Variants in ZNF705G observed in about 807,000 individuals in gnomAD.
The protein encoded by ZNF705G is zinc finger protein 705G, also known as putative zinc finger protein 705G.
ZNF705G carries 23 observed loss-of-function variants against 19.6 expected under a neutral mutation model. The ratio of observed to expected loss-of-function variants is 1.17; its 90% CI spans 0.84 to 1.66. ZNF705G has a LOEUF of 1.66. Among genes scored for constraint, ZNF705G ranks in the 40% most tolerant of loss-of-function variants. The pLI, the probability that ZNF705G is intolerant of heterozygous loss-of-function variation, is 0.00. For synonymous variants in ZNF705G, 146 were observed against 117.7 expected (o/e 1.24, Z -1.56); for missense variants, 457 against 354.4 (o/e 1.29, Z -2.32).
rs532357296 is a variant in ZNF705G at position 7,375,295 on chromosome 8, T to C, written c.-72+6157A>G. On this transcript the variant is annotated intron_variant, in intron 2 of 6. Transcript: ENST00000400156. ...ATATGTGGTATTTGTCTTCCTGTTC[T>C]TGAGCTAATTTGCTTAGAATAAAGT... Among the ~76,000 whole-genome samples, 107 of 93,570 alleles carry C rather than the reference T, an allele frequency of 1.1e-3. 25 individuals carry two copies. The highest frequency in any genetic ancestry group is 2.0e-3 in the Non-Finnish European group (98 of 47,904). The allele number at this position is 93,570 out of a possible 152,430, so 61.4% of individuals were successfully genotyped here.
intron 4 of ZNF705G, 79 bp from the exon 5 acceptor site, chr8:7,360,411 C>A (rs1292788816): frequency 6.3e-7 from 1 of 1,576,354 alleles, no homozygotes; most frequent in Non-Finnish European, 8.5e-7. Context: ...TGCAGGCTAT[C>A]AAGGAAGAAT....
chr8:7,379,870 A>G (rs1287948781), intron 2 of ZNF705G, among the ~76,000 whole-genome samples: 2 of 145,954 alleles, frequency 1.4e-5, no homozygotes, highest in Non-Finnish European at 2.9e-5. Context: ...CACAATGCCA[A>G]TTTGAGAGCC....
Position 7,358,435 on chromosome 8 carries a change from C to A in ZNF705G, c.444G>T (p.Gln148His). ...HSGKKPYVSK[Q>H]CGKSLRNLLS... ...AAAGATTACGAAGGGATTTTCCACA[C>A]TGTTTGCTGACATAGGGTTTCTTTC... is the stretch of plus-strand genomic sequence containing the variant. The change falls in exon 7 of 7, where the codon CAG becomes CAT. Residue 148 changes from glutamine (Q) to histidine (H), a missense_variant. Physicochemically the swap from Gln to His is conservative, Grantham distance 24. Transcript: ENST00000400156. 2 of 1,607,714 alleles carry A rather than the reference C, an allele frequency of 1.2e-6. No homozygotes were observed. The highest frequency in any genetic ancestry group is 1.7e-6 in the Non-Finnish European group (2 of 1,179,596).
chr8:7,362,641 ATAGCCTTAATAG>A (rs1806656656), intron 3 of ZNF705G, among the ~76,000 whole-genome samples: 1 of 149,524 alleles, frequency 6.7e-6, no homozygotes, highest in African/African-American at 2.6e-5. Flanking sequence ...TTTTTTGTAA[ATAGCCTTAATAG>A]GGGCTGGAAT....
chr8:7,368,776 C>G (rs903000515), intron 2 of ZNF705G, among the ~76,000 whole-genome samples: 1 of 149,664 alleles, frequency 6.7e-6, no homozygotes, highest in East Asian at 1.9e-4. Flanking sequence ...ACAGTGCTCA[C>G]AGCAATCTAG....
chr8:7,358,949 TATTG>T (rs1806433741), intron 6 of ZNF705G, among the ~76,000 whole-genome samples: 1 of 149,740 alleles, frequency 6.7e-6, no homozygotes, highest in South Asian at 2.1e-4. Flanking sequence ...CACAAATGCA[TATTG>T]ATTGTCTCCC....
At chr8:7,370,369 T>C (rs1585421204) in intron 2 of ZNF705G, among the ~76,000 whole-genome samples, 2 of 149,312 alleles carry the variant, frequency 1.3e-5, no homozygotes, top group South Asian at 2.1e-4. Flanking sequence ...CCATCTCTAA[T>C]CATCAGGGGG....
chr8:7,361,321 G>C lies in ZNF705G; in HGVS notation c.13-85C>G. The C allele has an allele frequency of 1.9e-6, 3 of 1,589,328 alleles. 1 individual carries two copies. The highest frequency in any genetic ancestry group is 8.5e-7 in the Non-Finnish European group (1 of 1,177,776). On this transcript the variant is annotated intron_variant, in intron 3 of 6. Coordinates refer to ENST00000400156, the MANE Select transcript of ZNF705G (RefSeq NM_001164457.3). ...GAAGGCTGAGATGACATAGCTAGCA[G>C]CTGGGTATGCAGAATACTCAGTGTT... is the stretch of plus-strand genomic sequence containing the variant.
Position 7,358,185 on chromosome 8 carries a change from G to C in ZNF705G, c.694C>G (p.Gln232Glu), listed in dbSNP as rs1806374427. 1 of 1,607,412 alleles carries C rather than the reference G, an allele frequency of 6.2e-7. No individual in the cohort carries two copies. Among genetic ancestry groups the C allele is most frequent in the Non-Finnish European group, 8.5e-7 (1 of 1,179,624 alleles). ...GATTGAATAAAGACTTTCCCATATT[G>C]ATGACACTTATATGGTCTCTGTCCC... ...HTGQRPYKCH[Q>E]YGKVFIQSFN... Residue 232 changes from glutamine (Q) to glutamate (E), a missense_variant, in exon 7 of 7, where the codon CAA (glutamine) becomes GAA (glutamate). Physicochemically the swap from Gln to Glu is conservative, Grantham distance 29. Transcript: ENST00000400156.
intron 1 of ZNF705G, among the ~76,000 whole-genome samples, chr8:7,381,976 C>A (rs1251445368): frequency 2.6e-5 from 4 of 152,178 alleles, no homozygotes; most frequent in Non-Finnish European, 4.4e-5. Context: ...AATCCAGAAG[C>A]AGCAGTTTAT....
intron 2 of ZNF705G, among the ~76,000 whole-genome samples, chr8:7,364,654 C>T (rs1210669606): frequency 8.0e-5 from 12 of 149,790 alleles, no homozygotes; most frequent in Middle Eastern, 3.4e-3. Flanking sequence ...GACCCCAGGT[C>T]CCAAACATCA....
chr8:7,366,242 A>C (rs1166531799), intron 2 of ZNF705G, among the ~76,000 whole-genome samples: 2 of 148,816 alleles, frequency 1.3e-5, no homozygotes, highest in African/African-American at 2.6e-5. Flanking sequence ...CAAGCCTCTC[A>C]TGGCTTCCAA....
At chr8:7,368,231 C>G (rs1351769959) in intron 2 of ZNF705G, among the ~76,000 whole-genome samples, 2 of 149,650 alleles carry the variant, frequency 1.3e-5, no homozygotes, top group Admixed American at 6.6e-5. Context: ...GAGACTACTA[C>G]TAAAAACCCT....
chr8:7,370,342 T>C (rs1261692349), intron 2 of ZNF705G, among the ~76,000 whole-genome samples: 15 of 148,062 alleles, frequency 1.0e-4, no homozygotes, highest in Admixed American at 8.6e-4. Flanking sequence ...CCAACAAATA[T>C]ATGAAAAAAA....
chr8:7,384,292 CA>C (rs1245344436), intron 1 of ZNF705G, among the ~76,000 whole-genome samples: 1 of 143,922 alleles, frequency 6.9e-6, no homozygotes, highest in Non-Finnish European at 1.5e-5. Context: ...CTGTTTGTCT[CA>C]GGAAAAAAAA....
chr8:7,369,297 C>G (rs1348184271), intron 2 of ZNF705G, among the ~76,000 whole-genome samples: 2 of 149,508 alleles, frequency 1.3e-5, no homozygotes, highest in Non-Finnish European at 2.9e-5. Context: ...ATGGGAAAGC[C>G]TGTATGTCCA....
intron 2 of ZNF705G, among the ~76,000 whole-genome samples, chr8:7,371,308 G>A (rs186081844): frequency 1.5e-5 from 2 of 136,222 alleles, no homozygotes; most frequent in African/African-American, 2.9e-5. Context: ...GCCAGGGGCC[G>A]TGGTGCTGGG....
At chr8:7,368,546 G>T (rs1404302044) in intron 2 of ZNF705G, among the ~76,000 whole-genome samples, 1 of 149,686 alleles carries the variant, frequency 6.7e-6, no homozygotes, top group Non-Finnish European at 1.5e-5. Flanking sequence ...GTATTATAGG[G>T]GTCATGTAGT....
chr8:7,379,188 T>C (rs570766338), intron 2 of ZNF705G, among the ~76,000 whole-genome samples: 2 of 148,520 alleles, frequency 1.3e-5, no homozygotes, highest in South Asian at 4.2e-4. Context: ...TGTTAAGTTA[T>C]GTCACATGGA....
Sources: allele counts gnomAD v4.1 joint callset (sites outside exome capture counted in the v4.1 genomes callset), GRCh38; gene constraint gnomAD v4.1.1; transcripts MANE v1.5; gene names NCBI Gene and HGNC (gene_info 2026-07-23, HGNC 2026-07-21).